ROBO1: variants seen among roughly 807,000 people sequenced by gnomAD.
ROBO1 encodes roundabout homolog 1.
A neutral mutation model predicts 195.9 loss-of-function variants in ROBO1; 149 were observed. That is an observed-to-expected ratio of 0.76 (90% CI 0.67 to 0.87). The LOEUF is 0.87. Among genes scored for constraint, ROBO1 ranks in the 40% least tolerant of loss-of-function variants. The pLI, the probability that ROBO1 is intolerant of heterozygous loss-of-function variation, is 0.00. For missense variants in ROBO1, 1,933 were observed against 2,068.3 expected (o/e 0.93, Z 1.27); for synonymous variants, 816 against 733.2 (o/e 1.11, Z -1.82).
intron 4 of ROBO1, among the ~76,000 whole-genome samples, chr3:78,816,947 C>T (rs1449879720): frequency 2.0e-5 from 3 of 151,516 alleles, no homozygotes; most frequent in Admixed American, 6.6e-5. Context: ...GACTGACCTG[C>T]GCAGTGTGCA....
intron 3 of ROBO1, among the ~76,000 whole-genome samples, chr3:78,952,672 G>A (rs2040850773): frequency 6.6e-6 from 1 of 151,844 alleles, no homozygotes; most frequent in Non-Finnish European, 1.5e-5. Flanking sequence ...GTTGAAATAA[G>A]AAGCATAAAA....
chr3:79,364,363 T>C (rs1306473863), intron 2 of ROBO1, among the ~76,000 whole-genome samples: 1 of 151,684 alleles, frequency 6.6e-6, no homozygotes, highest in African/African-American at 2.4e-5. Context: ...AATTCTATTA[T>C]ATATTGTGTT....
intron 4 of ROBO1, among the ~76,000 whole-genome samples, chr3:78,896,163 T>C (rs2037215054): frequency 6.6e-6 from 1 of 152,188 alleles, no homozygotes; most frequent in Non-Finnish European, 1.5e-5. Context: ...CATATAGGTA[T>C]GGTGATTGTA....
At chr3:79,550,659 A>ATACC (rs1942477563) in intron 2 of ROBO1, among the ~76,000 whole-genome samples, 2 of 152,214 alleles carry the variant, frequency 1.3e-5, no homozygotes, top group South Asian at 4.1e-4. Context: ...TATTAGGGAG[A>ATACC]AATAATTCCC....
chr3:79,001,321 A>G (rs1358974577), intron 3 of ROBO1, among the ~76,000 whole-genome samples: 2 of 152,116 alleles, frequency 1.3e-5, no homozygotes, highest in Non-Finnish European at 2.9e-5. Context: ...AGATCTCATG[A>G]GAACTCACTC....
rs541097151 is a variant in ROBO1 at position 79,663,952 on chromosome 3, T to A, written c.-50-73991A>T. 2.6e-5 allele frequency among the ~76,000 whole-genome samples: 4 copies of A among 152,168 alleles called. No homozygotes were observed. The South Asian group carries it at 8.3e-4, about 32-fold the overall frequency. ...TAGAACAGCTGCCACATCCATATAT[T>A]CCCTACAAATTCAGTCCTTCCATTT... On this transcript the variant is annotated intron_variant, in intron 1 of 30. Coordinates refer to ENST00000464233, the MANE Select transcript of ROBO1 (RefSeq NM_002941.4).
At chr3:79,339,556 G>T (rs553154341) in intron 2 of ROBO1, among the ~76,000 whole-genome samples, 6 of 152,172 alleles carry the variant, frequency 3.9e-5, no homozygotes, top group African/African-American at 1.4e-4. Context: ...TCCCTAGTTA[G>T]CCTGTGTTGA....
chr3:79,497,484 T>C (rs1210444798), intron 2 of ROBO1, among the ~76,000 whole-genome samples: 1 of 152,198 alleles, frequency 6.6e-6, no homozygotes, highest in Non-Finnish European at 1.5e-5. Flanking sequence ...TATTGATTAA[T>C]TGAAATCAGA....
chr3:79,422,947 T>C (rs1475558322), intron 2 of ROBO1, among the ~76,000 whole-genome samples: 1 of 151,878 alleles, frequency 6.6e-6, no homozygotes, highest in Non-Finnish European at 1.5e-5. Flanking sequence ...GTGCAACCCA[T>C]CTTTTGATAC....
chr3:78,756,895 TA>T (rs1190443228), intron 4 of ROBO1, among the ~76,000 whole-genome samples: 2 of 152,144 alleles, frequency 1.3e-5, no homozygotes, highest in African/African-American at 2.4e-5. Flanking sequence ...TTTTTTATTT[TA>T]TTTTTTTGAG....
At chr3:78,992,454 T>G (rs754508269) in intron 3 of ROBO1, among the ~76,000 whole-genome samples, 3 of 152,146 alleles carry the variant, frequency 2.0e-5, no homozygotes, top group Non-Finnish European at 2.9e-5. Context: ...AGCAACAATT[T>G]TGCCTAAACA....
At chr3:79,468,239 T>C (rs754247094) in intron 2 of ROBO1, among the ~76,000 whole-genome samples, 3 of 152,258 alleles carry the variant, frequency 2.0e-5, no homozygotes, top group Non-Finnish European at 2.9e-5. Context: ...TGCCTGATGC[T>C]GAGTACATCC....
At chr3:78,795,204 C>A (rs1395209792) in intron 4 of ROBO1, among the ~76,000 whole-genome samples, 1 of 152,046 alleles carries the variant, frequency 6.6e-6, no homozygotes, top group Non-Finnish European at 1.5e-5. Flanking sequence ...ATCAATTACA[C>A]AAGAAAACAA....
intron 2 of ROBO1, among the ~76,000 whole-genome samples, chr3:79,569,645 ATGTGTGTGTG>A (rs112113543): frequency 3.5e-5 from 5 of 142,138 alleles, no homozygotes; most frequent in Non-Finnish European, 6.1e-5. Context: ...ATGTATAGAT[ATGTGTGTGTG>A]TGTGTGTGTG....
At chr3:79,700,761 T>C (rs1174840720) in intron 1 of ROBO1, among the ~76,000 whole-genome samples, 3 of 151,900 alleles carry the variant, frequency 2.0e-5, no homozygotes, top group African/African-American at 7.2e-5. Context: ...TTATAGATTC[T>C]GGACATTAGA....
intron 17 of ROBO1, among the ~76,000 whole-genome samples, chr3:78,658,069 CAAAG>C (rs941788573): frequency 6.6e-6 from 1 of 152,128 alleles, no homozygotes; most frequent in Non-Finnish European, 1.5e-5. Flanking sequence ...CTTCTAATAA[CAAAG>C]AGTTACCTGA....
chr3:79,631,315 ACCCAGAAATAAAGC>A (rs1945333949), intron 1 of ROBO1, among the ~76,000 whole-genome samples: 1 of 151,950 alleles, frequency 6.6e-6, no homozygotes, highest in Non-Finnish European at 1.5e-5. Context: ...AGAATAGAGA[ACCCAGAAATAAAGC>A]CTCATATCTG....
intron 3 of ROBO1, among the ~76,000 whole-genome samples, chr3:78,973,657 T>C (rs1454853047): frequency 1.3e-5 from 2 of 149,996 alleles, no homozygotes; most frequent in African/African-American, 2.4e-5. Context: ...CACAGATTAC[T>C]ATATACTTCC....
intron 1 of ROBO1, among the ~76,000 whole-genome samples, chr3:79,695,681 A>C: frequency 6.6e-6 from 1 of 151,496 alleles, no homozygotes; most frequent in Non-Finnish European, 1.5e-5. Context: ...TTAAGAGCCT[A>C]TTAACAAAGA....
Sources: allele counts gnomAD v4.1 joint callset (sites outside exome capture counted in the v4.1 genomes callset), GRCh38; gene constraint gnomAD v4.1.1; transcripts MANE v1.5; gene names NCBI Gene and HGNC (gene_info 2026-07-23, HGNC 2026-07-21).